CPNE8: variants seen among roughly 807,000 people sequenced by gnomAD.
CPNE8 encodes copine-8.
A neutral mutation model predicts 81.5 loss-of-function variants in CPNE8; 45 were observed. That is an observed-to-expected ratio of 0.55 (90% confidence interval 0.44 to 0.71). The LOEUF (loss-of-function observed/expected upper bound fraction) is 0.71. CPNE8 is among the 30% of genes least tolerant of loss of function. The pLI, the probability that CPNE8 is intolerant of heterozygous loss-of-function variation, is 0.00. For missense variants in CPNE8, 594 were observed against 672.1 expected (o/e 0.88, Z 1.28); for synonymous variants, 252 against 226.3 (o/e 1.11, Z -1.02).
intron 8 of CPNE8, 55 bp downstream of exon 8, chr12:38,767,580 A>T: frequency 9.7e-7 from 1 of 1,027,292 alleles, no homozygotes. Flanking sequence ...AAAAATAATT[A>T]TAATTCAAGT....
intron 6 of CPNE8, among the ~76,000 whole-genome samples, chr12:38,824,747 G>C (rs1423919847): frequency 6.6e-6 from 1 of 152,214 alleles, no homozygotes; most frequent in South Asian, 2.1e-4. Flanking sequence ...AATCAATTGT[G>C]TGTTACTTAC....
In CPNE8 at chr12:38,816,434, G is replaced by A. The variant is rs185028887; in HGVS notation, c.407+12945C>T. 7.9e-5 allele frequency among the ~76,000 whole-genome samples: 12 copies of A among 152,276 alleles called. 1 individual carries two copies. Among genetic ancestry groups the A allele is most frequent in the Admixed American group, 6.5e-4 (10 of 15,286 alleles). On this transcript the variant is annotated intron_variant, in intron 6 of 19. Transcript: ENST00000331366. The stretch of plus-strand genomic sequence containing the variant: ...TGATTGAGTTTTAGAAGTTTGTTCA[G>A]GTTCTTTGATCCAGCATGCTGTGGA...
chr12:38,667,874 C>T (rs11169051), intron 19 of CPNE8, among the ~76,000 whole-genome samples: 1,700 of 152,084 alleles, frequency 0.011, 37 homozygotes, highest in African/African-American at 0.039. Flanking sequence ...CTCGGCTCAC[C>T]GCAATCTCCA....
chr12:38,733,658 T>A (rs2136772514), intron 10 of CPNE8, among the ~76,000 whole-genome samples: 1 of 152,142 alleles, frequency 6.6e-6, no homozygotes, highest in Middle Eastern at 3.4e-3. Context: ...TGTGTCTGTT[T>A]ACGTCTCTAT....
chr12:38,770,968 C>G (rs1025906389), intron 7 of CPNE8, among the ~76,000 whole-genome samples: 8 of 152,094 alleles, frequency 5.3e-5, no homozygotes, highest in African/African-American at 1.7e-4. Flanking sequence ...TCTCTCTTTC[C>G]CACAAACTAT....
intron 1 of CPNE8, among the ~76,000 whole-genome samples, chr12:38,876,307 G>A (rs897066439): frequency 6.6e-6 from 1 of 152,110 alleles, no homozygotes; most frequent in African/African-American, 2.4e-5. Flanking sequence ...CGCCTTCCAG[G>A]TTCAAGTGAT....
chr12:38,843,184 T>C (rs1565644735), intron 4 of CPNE8, among the ~76,000 whole-genome samples: 1 of 152,228 alleles, frequency 6.6e-6, no homozygotes, highest in Non-Finnish European at 1.5e-5. Flanking sequence ...AGTAATGAAT[T>C]GGCAGTAGCT....
intron 6 of CPNE8, among the ~76,000 whole-genome samples, chr12:38,826,543 T>C (rs760898448): frequency 1.4e-4 from 22 of 152,260 alleles, no homozygotes; most frequent in Non-Finnish European, 2.8e-4. Flanking sequence ...CCCCAGCAAA[T>C]TCTCCCAACA....
At chr12:38,863,291 G>T (rs1236129596) in intron 3 of CPNE8, among the ~76,000 whole-genome samples, 6 of 152,184 alleles carry the variant, frequency 3.9e-5, no homozygotes, top group Non-Finnish European at 8.8e-5. Flanking sequence ...AATTGAAATT[G>T]TAAGTAGACA....
intron 11 of CPNE8, 90 bp from the exon 12 acceptor site, chr12:38,724,989 GC>G: frequency 8.8e-7 from 1 of 1,131,316 alleles, no homozygotes; most frequent in Non-Finnish European, 1.3e-6. Flanking sequence ...TTAACCTGCT[GC>G]CTTCCCTTCT....
chr12:38,681,046 T>C (rs1215005660), intron 16 of CPNE8, among the ~76,000 whole-genome samples: 4 of 151,978 alleles, frequency 2.6e-5, no homozygotes, highest in African/African-American at 9.7e-5. Flanking sequence ...AAATAATGAA[T>C]ATATTTAAAT....
intron 6 of CPNE8, among the ~76,000 whole-genome samples, chr12:38,781,746 T>C (rs922025472): frequency 1.3e-5 from 2 of 152,084 alleles, no homozygotes; most frequent in Non-Finnish European, 2.9e-5. Context: ...TGATAAGTCA[T>C]ATTAATATGT....
chr12:38,888,005 C>T (rs907993632), intron 1 of CPNE8, among the ~76,000 whole-genome samples: 12 of 152,182 alleles, frequency 7.9e-5, no homozygotes, highest in African/African-American at 2.9e-4. Context: ...GGGTTTATTG[C>T]TTTTCCCAGA....
chr12:38,874,334 G>C, intron 2 of CPNE8, 137 bp downstream of exon 2: 1 of 636,296 alleles, frequency 1.6e-6, no homozygotes, highest in South Asian at 1.7e-5. Flanking sequence ...GCCCGGGGTT[G>C]ATGAGTATGT....
chr12:38,902,956 C>T (rs1403357888), intron 1 of CPNE8, among the ~76,000 whole-genome samples: 1 of 152,064 alleles, frequency 6.6e-6, no homozygotes, highest in African/African-American at 2.4e-5. Flanking sequence ...CTTAGACAGA[C>T]TGAATAAGAA....
At position 38,761,974 on chromosome 12, in the gene CPNE8, T is replaced by C. The variant is rs1030442421; in HGVS notation, c.680+138A>G. 7.4e-5 allele frequency: 34 copies of C among 460,180 alleles called. No individual in the cohort carries two copies. The highest frequency in any genetic ancestry group is 6.6e-4 in the African/African-American group (33 of 49,756). 28.5% of individuals were successfully genotyped at this position (460,180 alleles called of 1,614,324 possible). ...AAATTTAAAGCAAATATGCAACGTA[T>C]TTTAGCATTTAAATATTTTCATTTT... is the stretch of plus-strand genomic sequence containing the variant. On this transcript the variant is annotated intron_variant, in intron 9 of 19. Coordinates refer to ENST00000331366, the MANE Select transcript of CPNE8 (RefSeq NM_153634.3).
chr12:38,719,511 G>A (rs1398960207), intron 13 of CPNE8, among the ~76,000 whole-genome samples: 1 of 151,362 alleles, frequency 6.6e-6, no homozygotes, highest in Non-Finnish European at 1.5e-5. Flanking sequence ...GCTGAGGCAT[G>A]AGGATTGCTT....
chr12:38,695,712 G>A (rs1939777879), intron 14 of CPNE8, among the ~76,000 whole-genome samples: 1 of 152,172 alleles, frequency 6.6e-6, no homozygotes, highest in Non-Finnish European at 1.5e-5. Flanking sequence ...GCTGAGGCAG[G>A]TGGACAGCTT....
intron 6 of CPNE8, among the ~76,000 whole-genome samples, chr12:38,828,684 G>A (rs1476834921): frequency 6.6e-6 from 1 of 152,140 alleles, no homozygotes; most frequent in African/African-American, 2.4e-5. Flanking sequence ...GGTTAACTCT[G>A]CAAATGTACT....
Sources: allele counts gnomAD v4.1 joint callset (sites outside exome capture counted in the v4.1 genomes callset), GRCh38; gene constraint gnomAD v4.1.1; transcripts MANE v1.5; gene names NCBI Gene and HGNC (gene_info 2026-07-23, HGNC 2026-07-21).